The following HES7 variants were observed in gnomAD, a reference collection of about 807,000 sequenced individuals.
HES7 encodes hes family bHLH transcription factor 7.
HES7 carries 8 observed loss-of-function variants against 18.0 expected under a neutral mutation model. The ratio of observed to expected loss-of-function variants is 0.45; its 90% CI spans 0.26 to 0.80. The LOEUF (loss-of-function observed/expected upper bound fraction) is 0.80, where lower values mean the gene tolerates loss of function less well. Among genes scored for constraint, HES7 ranks in the 30% least tolerant of loss-of-function variants. The pLI is 0.18. For synonymous variants in HES7, 170 were observed against 158.6 expected (o/e 1.07, Z -0.54); for missense variants, 356 against 340.9 (o/e 1.04, Z -0.35).
chr17:8,122,185 C>G lies in HES7; in HGVS notation c.227-148G>C. 1 of 944,610 alleles carries G rather than the reference C, an allele frequency of 1.1e-6. No homozygotes were observed. The highest frequency in any genetic ancestry group is 2.7e-5 in the East Asian group (1 of 37,396). 58.5% of individuals were successfully genotyped at this position (944,610 alleles called of 1,614,324 possible). ...AAAGAGGGAGAAAATGAGGGAGACA[C>G]AGAGACAGACACGCGCGGGTGTTAT... On this transcript the variant is annotated intron_variant, in intron 3 of 3. Transcript: ENST00000541682. This position sits in a 1 kb window ranked among gnomAD's most constrained non-coding sequence, Gnocchi z 6.9.
At position 8,122,065 on chromosome 17, in the gene HES7, G is replaced by A. The variant is rs765663074; in HGVS notation, c.227-28C>T. On this transcript the variant is annotated intron_variant, in intron 3 of 3. Transcript: ENST00000541682. This position sits in a 1 kb window ranked among gnomAD's most constrained non-coding sequence, Gnocchi z 6.9. ...GGTGCGGCCGGCGGGAGCACAGGTG[G>A]GCAGGGCAGGGGCCCGGCAGGGGTG... 2.0e-6 allele frequency: 3 copies of A among 1,481,864 alleles called. No individual in the cohort carries two copies. The African/African-American group carries it at 4.3e-5, about 21-fold the overall frequency. 91.8% of individuals were successfully genotyped at this position (1,481,864 alleles called of 1,614,324 possible).
rs914671014 is a variant in HES7 at position 8,122,289 on chromosome 17, G to A, written c.226+54C>T. ...GGGCCCGCCCACTCTGCCCCGGCCG[G>A]AGCCTCCTGGCGTCCCCCCTCCCTC... is the stretch of plus-strand genomic sequence containing the variant. On this transcript the variant is annotated intron_variant, in intron 3 of 3. Transcript: ENST00000541682. The surrounding 1 kb of genome is among the most constrained non-coding windows in gnomAD (Gnocchi z 6.9). The A allele has an allele frequency of 3.2e-5, 47 of 1,448,854 alleles. No individual in the cohort carries two copies. Among genetic ancestry groups the A allele is most frequent in the Non-Finnish European group, 3.7e-5 (39 of 1,056,516 alleles). The allele number at this position is 1,448,854 out of a possible 1,614,324, so 89.7% of individuals were successfully genotyped here. A position where few individuals can be genotyped will look rare whatever the true frequency, so the allele number is the denominator to read the frequency against.
In HES7 at chr17:8,123,228, G is replaced by A. The variant is rs1057492958; in HGVS notation, c.43-102C>T. 1 of 893,072 alleles carries A rather than the reference G, an allele frequency of 1.1e-6. No homozygotes were observed. The highest frequency in any genetic ancestry group is 1.8e-6 in the Non-Finnish European group (1 of 558,528). 55.3% of individuals were successfully genotyped at this position (893,072 alleles called of 1,614,324 possible). Reference sequence around the variant, plus strand: ...GCTGGGAGAGCCCGGCTTCCACCCCGGCCACAAGACCCCAGATTGCCTAGG... The same window carrying A: ...GCTGGGAGAGCCCGGCTTCCACCCCAGCCACAAGACCCCAGATTGCCTAGG... On this transcript the variant is annotated intron_variant, in intron 1 of 3. Coordinates refer to ENST00000541682, the MANE Select transcript of HES7 (RefSeq NM_001165967.2). The surrounding 1 kb of genome is among the most constrained non-coding windows in gnomAD (Gnocchi z 5.9).
At chr17:8,125,549 C>T (rs1362022224), upstream of HES7, among the ~76,000 whole-genome samples, 1 of 152,238 alleles carries the variant, frequency 6.6e-6, no homozygotes, top group African/African-American at 2.4e-5. Context: ...TGTTCGCACC[C>T]GGGTGTGGGG....
upstream of HES7, among the ~76,000 whole-genome samples, chr17:8,125,674 A>G (rs1032347742): frequency 3.9e-5 from 6 of 151,962 alleles, no homozygotes; most frequent in African/African-American, 1.2e-4. Flanking sequence ...CCTGGCCTAC[A>G]CCGTTGCCTG....
At position 8,121,837 on chromosome 17, in the gene HES7, G is replaced by C. The variant is rs759718984; in HGVS notation, c.427C>G (p.Pro143Ala). 4 of 1,571,872 alleles carry C rather than the reference G, an allele frequency of 2.5e-6. No homozygotes were observed. The highest frequency in any genetic ancestry group is 1.7e-5 in the Admixed American group (1 of 57,882). ...PKPPRPKPVDPRPPAPRPSLD... is the reference protein window; with the variant it reads ...PKPPRPKPVDARPPAPRPSLD... ...GATGGGCGCGGCGCTGGAGGCCTCG[G>C]ATCTACCGGCTTGGGCCGGGGCGGT... is the stretch of plus-strand genomic sequence containing the variant. The change falls in exon 4 of 4, where the codon CCG becomes GCG. Residue 143 changes from proline (P) to alanine (A), a missense_variant. Pro to Ala is a conservative substitution (Grantham distance 27). Transcript: ENST00000541682.
Position 8,121,892 on chromosome 17 carries a change from G to T in HES7, c.372C>A (p.Phe124Leu). 1 of 1,571,372 alleles carries T rather than the reference G, an allele frequency of 6.4e-7. No individual in the cohort carries two copies. Among genetic ancestry groups the T allele is most frequent in the South Asian group, 1.1e-5 (1 of 88,434 alleles). ...GGCGCAGATAGCCGTGCAGCGCGGA[G>T]AAGAGCTGGGCGCGGGCGGCCGGGC... is the stretch of plus-strand genomic sequence containing the variant. ...DASPAARAQLFSALHGYLRPK... is the reference protein window; with the variant it reads ...DASPAARAQLLSALHGYLRPK... The change falls in exon 4 of 4, where the codon TTC becomes TTA. Residue 124 changes from phenylalanine (F) to leucine (L), a missense_variant. Phe to Leu is a conservative substitution (Grantham distance 22). Coordinates refer to ENST00000541682, the MANE Select transcript of HES7 (RefSeq NM_001165967.2).
Position 8,121,833 on chromosome 17 carries a change from C to T in HES7, c.431G>A (p.Arg144Lys), listed in dbSNP as rs1466865177. The T allele has an allele frequency of 6.4e-6, 10 of 1,570,552 alleles. No homozygotes were observed. The highest frequency in any genetic ancestry group is 6.0e-6 in the Non-Finnish European group (7 of 1,168,954). Residue 144 changes from arginine to lysine, a missense_variant, in exon 4 of 4, where the codon AGG (arginine) becomes AAG (lysine). By Grantham distance (26) the Arg-to-Lys change is conservative. Transcript: ENST00000541682. ...KPPRPKPVDP[R>K]PPAPRPSLDP... ...CAGGGATGGGCGCGGCGCTGGAGGCCTCGGATCTACCGGCTTGGGCCGGGG... is the reference window on the plus strand; with the variant it reads ...CAGGGATGGGCGCGGCGCTGGAGGCTTCGGATCTACCGGCTTGGGCCGGGG...
At chr17:8,126,554 C>A (rs927287263), upstream of HES7, among the ~76,000 whole-genome samples, 1 of 152,240 alleles carries the variant, frequency 6.6e-6, no homozygotes, top group African/African-American at 2.4e-5. Flanking sequence ...CCCTTCCCGG[C>A]CGCTTTGATC....
chr17:8,123,989 C>A lies in HES7; in HGVS notation c.42+54G>T. 1 of 1,593,390 alleles carries A rather than the reference C, an allele frequency of 6.3e-7. No homozygotes were observed. On this transcript the variant is annotated intron_variant, in intron 1 of 3. Coordinates refer to ENST00000541682, the MANE Select transcript of HES7 (RefSeq NM_001165967.2). This position sits in a 1 kb window ranked among gnomAD's most constrained non-coding sequence, Gnocchi z 5.9. ...CTCTCCAGACCGACGGCGTCAGGGGCCCAGTCCCCTAGCCAAACCAGGGAC... is the reference window on the plus strand; with the variant it reads ...CTCTCCAGACCGACGGCGTCAGGGGACCAGTCCCCTAGCCAAACCAGGGAC...
At chr17:8,124,124 C>G, upstream of HES7, 1 of 1,613,626 alleles carries the variant, frequency 6.2e-7, no homozygotes, top group South Asian at 1.1e-5. Context: ...CCCTGCTCGC[C>G]TGGAGCCTTA....
chr17:8,124,121 C>T, upstream of HES7: 3 of 1,613,624 alleles, frequency 1.9e-6, no homozygotes, highest in South Asian at 1.1e-5. Flanking sequence ...GTTCCCTGCT[C>T]GCCTGGAGCC....
chr17:8,123,045 G>T lies in HES7; in HGVS notation c.124C>A (p.Arg42=). The part of the protein sequence containing the change: ...LEELRLLLLE[R]TRDQNLRNPK... ...GAGGGACTGACCTGGTCCCGGGTCC[G>T]CTCCAGCAGCAGCAGCCTCAGCTCT... is the stretch of plus-strand genomic sequence containing the variant. Residue 42 remains arginine (R), a synonymous_variant, in exon 2 of 4, where the codon CGG becomes AGG. Transcript: ENST00000541682. This position sits in a 1 kb window ranked among gnomAD's most constrained non-coding sequence, Gnocchi z 5.9. 6.2e-7 allele frequency: 1 copy of T among 1,600,586 alleles called. No homozygotes were observed. Among genetic ancestry groups the T allele is most frequent in the Non-Finnish European group, 8.5e-7 (1 of 1,173,812 alleles).
At chr17:8,124,003 C>T (rs1800766928) in intron 1 of HES7, 40 bp downstream of exon 1, 1 of 1,611,594 alleles carries the variant, frequency 6.2e-7, no homozygotes, top group Non-Finnish European at 8.5e-7. Flanking sequence ...GTCCCCTAGC[C>T]AAACCAGGGA....
chr17:8,121,208 G>A lies in HES7; in HGVS notation c.*363C>T, dbSNP rs934241343. On this transcript the variant is annotated 3_prime_UTR_variant, in exon 4 of 4. Coordinates refer to ENST00000541682, the MANE Select transcript of HES7 (RefSeq NM_001165967.2). ...ACTGAGGGTGGGAGACAGAAGGGAA[G>A]GGAAAGTGGGCGTGGACGTCGAGAT... The A allele has an allele frequency of 1.5e-4, 29 of 188,488 alleles. No homozygotes were observed. The highest frequency in any genetic ancestry group is 2.8e-4 in the Non-Finnish European group (26 of 92,154). 11.7% of individuals were successfully genotyped at this position (188,488 alleles called of 1,614,324 possible).
Position 8,121,931 on chromosome 17 carries a change from G to T in HES7, c.333C>A (p.Phe111Leu). The T allele has an allele frequency of 1.3e-6, 2 of 1,563,102 alleles. No homozygotes were observed. Among genetic ancestry groups the T allele is most frequent in the Non-Finnish European group, 1.7e-6 (2 of 1,165,358 alleles). The change falls in exon 4 of 4, where the codon TTC becomes TTA. Residue 111 changes from phenylalanine (F) to leucine (L), a missense_variant. By Grantham distance (22) the Phe-to-Leu change is conservative. Coordinates refer to ENST00000541682, the MANE Select transcript of HES7 (RefSeq NM_001165967.2). Reference sequence around the variant, plus strand: ...GGGCGGCCGGGCTGGCGTCGTGCGCGAAGGCCGCCAAGCGAAGCAGGCACT... The same window carrying T: ...GGGCGGCCGGGCTGGCGTCGTGCGCTAAGGCCGCCAAGCGAAGCAGGCACT... ...FRECLLRLAA[F>L]AHDASPAARA... is the part of the protein sequence containing the mutation.
At chr17:8,126,590 C>T (rs929153152), upstream of HES7, among the ~76,000 whole-genome samples, 7 of 152,306 alleles carry the variant, frequency 4.6e-5, no homozygotes, top group African/African-American at 1.7e-4. Flanking sequence ...CGAGGGCGGG[C>T]GGGTGGGCGC....
At position 8,123,361 on chromosome 17, in the gene HES7, C is replaced by T. The variant is rs915502099; in HGVS notation, c.43-235G>A. 3.4e-6 allele frequency: 2 copies of T among 589,466 alleles called. No homozygotes were observed. The highest frequency in any genetic ancestry group is 6.1e-6 in the Non-Finnish European group (2 of 329,254). The allele number at this position is 589,466 out of a possible 1,614,324, so 36.5% of individuals were successfully genotyped here. ...ATTCTCCTCTCTCAGTCTCGTCCTC[C>T]CTCCTCCCCTCTCTGTGTCTCTCCT... is the stretch of plus-strand genomic sequence containing the variant. On this transcript the variant is annotated intron_variant, in intron 1 of 3. Coordinates refer to ENST00000541682, the MANE Select transcript of HES7 (RefSeq NM_001165967.2). This position sits in a 1 kb window ranked among gnomAD's most constrained non-coding sequence, Gnocchi z 5.9.
upstream of HES7, among the ~76,000 whole-genome samples, chr17:8,125,743 C>T (rs191194854): frequency 3.7e-3 from 570 of 152,310 alleles, 3 homozygotes; most frequent in African/African-American, 0.01. Context: ...ATCTTTAAGC[C>T]GCGCATTGGT....
Sources: allele counts gnomAD v4.1 joint callset (sites outside exome capture counted in the v4.1 genomes callset), GRCh38; gene constraint gnomAD v4.1.1; non-coding constraint Gnocchi (gnomAD v3.1); transcripts MANE v1.5; gene names NCBI Gene and HGNC (gene_info 2026-07-23, HGNC 2026-07-21).